The following AKAP8 variants were observed in gnomAD, a reference collection of about 807,000 sequenced individuals.
The protein encoded by AKAP8 is A-kinase anchoring protein 8, also known as A-kinase anchor protein 8.
In AKAP8, 24 loss-of-function variants were observed where a neutral mutation model predicts 67.5. That is an observed-to-expected ratio of 0.36 (90% CI 0.26 to 0.50). AKAP8 has a LOEUF of 0.50. Among genes scored for constraint, AKAP8 ranks in the 20% least tolerant of loss-of-function variants. The pLI is 0.97. For missense variants in AKAP8, 971 were observed against 955.9 expected, an observed-to-expected ratio of 1.02 and a Z score of -0.21; for synonymous variants, 400 against 371.1, an observed-to-expected ratio of 1.08 and a Z score of -0.90.
At chr19:15,377,050 T>A in intron 1 of AKAP8, 36 bp from the exon 2 acceptor site, 1 of 1,608,048 alleles carries the variant, frequency 6.2e-7, no homozygotes, top group Non-Finnish European at 8.5e-7. Context: ...ATTCTATTTG[T>A]CACACCAGAG....
intron 2 of AKAP8, 102 bp downstream of exon 2, chr19:15,376,874 C>A: frequency 7.2e-7 from 1 of 1,389,042 alleles, no homozygotes; most frequent in South Asian, 1.2e-5. Flanking sequence ...GTTTGCTGAC[C>A]CCTGGGCTAC....
At position 15,373,259 on chromosome 19, in the gene AKAP8, G is replaced by A. The variant is rs756757957; in HGVS notation, c.453C>T (p.Ser151=). Residue 151 remains serine, a synonymous_variant, in exon 5 of 14, where the codon AGC becomes AGT. Transcript: ENST00000269701. Reference sequence around the variant, plus strand: ...ACCCCAGGTCGAACTCATAGTCGTAGCTGTAGCTGGGGCGGTAGGGGTTGT... The same window carrying A: ...ACCCCAGGTCGAACTCATAGTCGTAACTGTAGCTGGGGCGGTAGGGGTTGT... ...PEHNPYRPSY[S]YDYEFDLGSD... 6.2e-7 allele frequency: 1 copy of A among 1,614,020 alleles called. No individual in the cohort carries two copies.
rs1270444817 is a variant in AKAP8, at chr19:15,353,587, G to A, written c.*1328C>T. ...TTGACTTTTTCATAAATATTCACCT[G>A]GAATCTCCACTAAGGCTCCTCATGA... is the stretch of plus-strand genomic sequence containing the variant. On this transcript the variant is annotated 3_prime_UTR_variant, in exon 14 of 14. Transcript: ENST00000269701. 2.6e-5 allele frequency: 4 copies of A among 152,166 alleles called. No individual in the cohort carries two copies. In the East Asian group the frequency reaches 7.7e-4, roughly 29 times the overall value. 9.4% of individuals were successfully genotyped at this position (152,166 alleles called of 1,614,324 possible).
chr19:15,359,208 C>G (rs1251272590), intron 12 of AKAP8, 146 bp from the exon 13 acceptor site: 6 of 703,480 alleles, frequency 8.5e-6, no homozygotes, highest in African/African-American at 7.2e-5. Flanking sequence ...ATAGAAGGCT[C>G]CAGAGACTGT....
rs1967185341 is a variant in AKAP8 at position 15,372,926 on chromosome 19, C to G, written c.786G>C (p.Gln262His). Residue 262 changes from glutamine (Q) to histidine (H), a missense_variant, in exon 5 of 14, where the codon CAG (glutamine) becomes CAC (histidine). Physicochemically the swap from Gln to His is conservative, Grantham distance 24. Transcript: ENST00000269701. ...TGGTGCTGTCATAGCCGCCCGCCCC[C>G]TGCATGCCCATCACGCCGTAGTCGG... is the stretch of plus-strand genomic sequence containing the variant. ...MAPDYGVMGMQGAGGYDSTMP... is the reference protein window; with the variant it reads ...MAPDYGVMGMHGAGGYDSTMP... 6.5e-7 allele frequency: 1 copy of G among 1,528,506 alleles called. No homozygotes were observed. The highest frequency in any genetic ancestry group is 2.1e-5 in the Admixed American group (1 of 46,600). The allele number at this position is 1,528,506 out of a possible 1,614,324, so 94.7% of individuals were successfully genotyped here. A position where few individuals can be genotyped will look rare whatever the true frequency, so the allele number is the denominator to read the frequency against.
At chr19:15,366,855 T>C (rs1049898330) in intron 9 of AKAP8, among the ~76,000 whole-genome samples, 1 of 152,070 alleles carries the variant, frequency 6.6e-6, no homozygotes, top group African/African-American at 2.4e-5. Context: ...GTGATCCGCC[T>C]GCCTTGGCCT....
intron 5 of AKAP8, 144 bp from the exon 6 acceptor site, chr19:15,372,491 A>G (rs1374246520): frequency 1.6e-6 from 2 of 1,258,680 alleles, no homozygotes; most frequent in East Asian, 5.1e-5. Flanking sequence ...ATTTGAAACT[A>G]AAAAGAAAAT....
rs1967116698 is a variant in AKAP8 at position 15,369,292 on chromosome 19, T to TA, written c.1072+853dup. 1 of 983,494 alleles carries TA rather than the reference T, an allele frequency of 1.0e-6. No individual in the cohort carries two copies. Among genetic ancestry groups the TA allele is most frequent in the Non-Finnish European group, 1.2e-6 (1 of 828,264 alleles). 60.9% of individuals were successfully genotyped at this position (983,494 alleles called of 1,614,324 possible). On this transcript the variant is annotated intron_variant, in intron 8 of 13. Transcript: ENST00000269701. This position sits in a 1 kb window ranked among gnomAD's most constrained non-coding sequence, Gnocchi z 4.6. ...GCTAAGCGCTCGGGGCGCCCCGTGC[T>TA]ATGGACAGGACTGCTGCGGGTCGCG...
chr19:15,373,856 C>T lies in AKAP8; in HGVS notation c.301G>A (p.Asp101Asn). The T allele has an allele frequency of 1.2e-6, 2 of 1,612,892 alleles. No homozygotes were observed. The highest frequency in any genetic ancestry group is 2.2e-5 in the South Asian group (2 of 91,038). ...SLIAKINQRL[D>N]MMSKEGGRGG... is the part of the protein sequence containing the mutation. ...CTGCCTCCTTCCTTGGACATCATGTCCAAACGCTGGTTGATCTTGGCAATG... is the reference window on the plus strand; with the variant it reads ...CTGCCTCCTTCCTTGGACATCATGTTCAAACGCTGGTTGATCTTGGCAATG... The change falls in exon 4 of 14, where the codon GAC (aspartate) becomes AAC (asparagine). Residue 101 changes from aspartate (D) to asparagine (N), a missense_variant. By Grantham distance (23) the Asp-to-Asn change is conservative (BLOSUM62 1). Around this residue, in one of 3 missense-constraint regions of AKAP8, gnomAD observed 763 missense variants for 745.4 expected, o/e 1.02. Coordinates refer to ENST00000269701, the MANE Select transcript of AKAP8 (RefSeq NM_005858.4).
chr19:15,363,252 A>C (rs1284221042), intron 9 of AKAP8, among the ~76,000 whole-genome samples: 62 of 140,794 alleles, frequency 4.4e-4, no homozygotes, highest in Non-Finnish European at 8.3e-4. Context: ...CCGCCCGGCC[A>C]GCCGCCCCGT....
chr19:15,365,241 G>A (rs879864073), intron 9 of AKAP8, among the ~76,000 whole-genome samples: 39 of 152,288 alleles, frequency 2.6e-4, no homozygotes, highest in African/African-American at 8.2e-4. Flanking sequence ...CATTTTACGT[G>A]CAGACAAAAC....
chr19:15,373,946 C>T lies in AKAP8; in HGVS notation c.211G>A (p.Gly71Arg), dbSNP rs757004459. 8.1e-6 allele frequency: 13 copies of T among 1,613,578 alleles called. No homozygotes were observed. The highest frequency in any genetic ancestry group is 2.2e-5 in the South Asian group (2 of 91,066). ...GAGGCCATGTGCATGGCAGGGGCCC[C>T]GGCCGCCAGGCCGCCATCATTGGCC... ...AKANDGGLAAGAPAMHMASYG... is the reference protein window; with the variant it reads ...AKANDGGLAARAPAMHMASYG... Residue 71 changes from glycine to arginine, a missense_variant, in exon 4 of 14, where the codon GGG becomes AGG. Physicochemically the swap from Gly to Arg is moderately radical, Grantham distance 125. Transcript: ENST00000269701.
chr19:15,364,162 TTTTTTTTTTTTTTTTGGAGATGGAG>T (rs1395986243), intron 9 of AKAP8, among the ~76,000 whole-genome samples: 2 of 141,066 alleles, frequency 1.4e-5, no homozygotes, highest in Non-Finnish European at 3.1e-5. Flanking sequence ...TCTTTCCTTT[TTTTTTTTTTTTTTTTGGAGATGGAG>T]TTTTGCTCTT....
intron 1 of AKAP8, 28 bp downstream of exon 1, chr19:15,379,685 C>A: frequency 6.2e-7 from 1 of 1,605,050 alleles, no homozygotes. Context: ...CTTCCCTCCC[C>A]GCTCCGCACC....
chr19:15,373,000 G>GC lies in AKAP8; in HGVS notation c.711dup (p.Pro238AlafsTer31), dbSNP rs772914167. The GC allele has an allele frequency of 2.6e-6, 4 of 1,565,348 alleles. No individual in the cohort carries two copies. On this transcript the variant is annotated frameshift_variant, in exon 5 of 14. Transcript: ENST00000269701. LOFTEE classifies it high-confidence loss of function. The stretch of plus-strand genomic sequence containing the variant: ...GACGGAGGTGGCCGGCTGGGGGAGG[G>GC]CCCTCCCAGGCCCCGTCCACCCACG...
intron 9 of AKAP8, among the ~76,000 whole-genome samples, chr19:15,366,117 C>A (rs1599563504): frequency 5.7e-5 from 4 of 69,762 alleles, no homozygotes; most frequent in Non-Finnish European, 5.6e-5. Context: ...GTCACCTGTT[C>A]ATTGGAAGAA....
At chr19:15,368,438 G>A (rs1314839893) in intron 8 of AKAP8, 116 bp from the exon 9 acceptor site, 1 of 1,574,770 alleles carries the variant, frequency 6.4e-7, no homozygotes, top group Non-Finnish European at 8.6e-7. Flanking sequence ...GCCACTGCCT[G>A]CACCACGCGG....
chr19:15,372,008 AC>A lies in AKAP8; in HGVS notation c.992-11del, dbSNP rs1967166446. The A allele has an allele frequency of 6.2e-7, 1 of 1,613,956 alleles. No homozygotes were observed. Among genetic ancestry groups the A allele is most frequent in the Non-Finnish European group, 8.5e-7 (1 of 1,180,010 alleles). On this transcript the variant is annotated splice_polypyrimidine_tract_variant and intron_variant, in intron 6 of 13. Transcript: ENST00000269701. ...TCACCAGCTGCGTCATCTGCCAGAC[AC>A]AAAGAAAGGAAAAGTCAGTCCCCGG...
intron 5 of AKAP8, among the ~76,000 whole-genome samples, 193 bp downstream of exon 5, chr19:15,372,658 C>T (rs1051577728): frequency 1.7e-4 from 26 of 152,106 alleles, no homozygotes; most frequent in Non-Finnish European, 1.5e-4. Flanking sequence ...GAAGAAGTTT[C>T]TCTTCTGGTT....
Sources: allele counts gnomAD v4.1 joint callset (sites outside exome capture counted in the v4.1 genomes callset), GRCh38; gene constraint gnomAD v4.1.1; regional missense constraint gnomAD v4.1.1; non-coding constraint Gnocchi (gnomAD v3.1); transcripts MANE v1.5; gene names NCBI Gene and HGNC (gene_info 2026-07-23, HGNC 2026-07-21).